UTRN: variants seen among roughly 807,000 people sequenced by gnomAD.
The protein encoded by UTRN is dystrophin-related protein 1.
In UTRN, 283 loss-of-function variants were observed where a neutral mutation model predicts 463.9. That is an observed-to-expected ratio of 0.61 (90% CI 0.55 to 0.67). The LOEUF is 0.67. Among genes scored for constraint, UTRN ranks in the 30% least tolerant of loss-of-function variants. The probability of loss-of-function intolerance (pLI) is 0.00; values close to 1 mark genes in which losing one functional copy is unlikely to be tolerated. For missense variants in UTRN, 3,922 were observed against 4,084.3 expected, an observed-to-expected ratio of 0.96 and a Z score of 1.08; for synonymous variants, 1,442 against 1,431.5, an observed-to-expected ratio of 1.01 and a Z score of -0.17.
intron 51 of UTRN, among the ~76,000 whole-genome samples, chr6:144,675,836 G>A (rs1781533391): frequency 1.3e-5 from 2 of 152,186 alleles, no homozygotes; most frequent in Non-Finnish European, 2.9e-5. Flanking sequence ...AGTTCACGGT[G>A]TGAGTCTCCA....
chr6:144,719,459 C>G (rs866969950), intron 53 of UTRN, among the ~76,000 whole-genome samples: 1 of 152,102 alleles, frequency 6.6e-6, no homozygotes, highest in Non-Finnish European at 1.5e-5. Flanking sequence ...TGCCTGTAAT[C>G]CCAGCTACTC....
chr6:144,799,485 G>C (rs747807383), intron 64 of UTRN: 1 of 471,558 alleles, frequency 2.1e-6, no homozygotes, highest in Non-Finnish European at 4.4e-6. Flanking sequence ...TAAAGTCACA[G>C]TTTAAATGCA....
chr6:144,711,644 ATTAAG>A (rs747504677), intron 53 of UTRN, among the ~76,000 whole-genome samples: 7 of 152,228 alleles, frequency 4.6e-5, no homozygotes, highest in Admixed American at 3.3e-4. Context: ...CAATGTAAAT[ATTAAG>A]TTATGTAGGA....
intron 8 of UTRN, 134 bp downstream of exon 8, chr6:144,429,027 G>A (rs1021311981): frequency 1.1e-5 from 6 of 563,262 alleles, no homozygotes; most frequent in East Asian, 3.0e-5. Flanking sequence ...GTATAGGTGC[G>A]AGTCATTTTA....
chr6:144,321,461 CTTTTTTTTT>C (rs529134208), intron 2 of UTRN, among the ~76,000 whole-genome samples: 47 of 100,452 alleles, frequency 4.7e-4, no homozygotes, highest in African/African-American at 6.9e-4. Context: ...TGTGCCATAT[CTTTTTTTTT>C]TTTTTTTTTT....
rs1408650418 is a variant in UTRN at position 144,514,055 on chromosome 6, C to G, written c.5073+18C>G. The G allele has an allele frequency of 6.2e-7, 1 of 1,613,052 alleles. No homozygotes were observed. The highest frequency in any genetic ancestry group is 8.5e-7 in the Non-Finnish European group (1 of 1,179,494). On this transcript the variant is annotated intron_variant, in intron 36 of 74. Coordinates refer to ENST00000367545, the MANE Select transcript of UTRN (RefSeq NM_007124.3). The stretch of plus-strand genomic sequence containing the variant: ...TTGTGAAGGTAGCAAACACAGACAT[C>G]AGTAACGCTTTTGGGAGTGGCATGT...
At chr6:144,795,742 T>TTTAAG (rs1476985259) in intron 63 of UTRN, among the ~76,000 whole-genome samples, 3 of 152,198 alleles carry the variant, frequency 2.0e-5, no homozygotes, top group African/African-American at 7.2e-5. Context: ...TGTAAATTTG[T>TTTAAG]TTAAGTTCTC....
chr6:144,444,464 C>A, intron 14 of UTRN, 82 bp downstream of exon 14: 1 of 1,012,598 alleles, frequency 9.9e-7, no homozygotes, highest in Non-Finnish European at 1.4e-6. Flanking sequence ...ATAAAGTTGC[C>A]TTGTTTACTT....
intron 2 of UTRN, among the ~76,000 whole-genome samples, chr6:144,317,948 C>T (rs1197422312): frequency 5.3e-5 from 8 of 152,160 alleles, no homozygotes; most frequent in Non-Finnish European, 1.2e-4. Flanking sequence ...CTGGAAATAG[C>T]TTCCAGATGG....
chr6:144,646,654 G>A (rs1030279652), intron 51 of UTRN, among the ~76,000 whole-genome samples: 3 of 151,936 alleles, frequency 2.0e-5, no homozygotes, highest in Admixed American at 2.0e-4. Context: ...GTTTTCCTAA[G>A]TCAAGAAAAC....
chr6:144,349,697 C>T (rs111685276), intron 2 of UTRN, among the ~76,000 whole-genome samples: 30 of 152,088 alleles, frequency 2.0e-4, no homozygotes, highest in African/African-American at 6.7e-4. Flanking sequence ...TATATTTTTC[C>T]TTGGCATTAC....
intron 50 of UTRN, among the ~76,000 whole-genome samples, chr6:144,558,392 A>T (rs930038946): frequency 6.6e-6 from 1 of 152,208 alleles, no homozygotes; most frequent in African/African-American, 2.4e-5. Flanking sequence ...TGGTCTTTCT[A>T]ACATTTTACT....
intron 1 of UTRN, among the ~76,000 whole-genome samples, chr6:144,288,225 G>A (rs1349611214): frequency 2.0e-5 from 3 of 152,030 alleles, no homozygotes; most frequent in Non-Finnish European, 2.9e-5. Context: ...AACCTGTAAG[G>A]GATTTTCATT....
intron 34 of UTRN, among the ~76,000 whole-genome samples, chr6:144,500,662 A>G (rs895258089): frequency 4.6e-5 from 7 of 152,352 alleles, no homozygotes; most frequent in African/African-American, 1.4e-4. Flanking sequence ...ACATTTTAAA[A>G]CCAATAAGTA....
At chr6:144,830,930 T>C (rs1780621942) in intron 69 of UTRN, among the ~76,000 whole-genome samples, 1 of 152,156 alleles carries the variant, frequency 6.6e-6, no homozygotes, top group Non-Finnish European at 1.5e-5. Context: ...AACTTGAAAT[T>C]GGCCATGATC....
intron 17 of UTRN, among the ~76,000 whole-genome samples, chr6:144,450,905 G>A (rs1274851377): frequency 2.6e-5 from 4 of 152,154 alleles, no homozygotes; most frequent in Admixed American, 6.5e-5. Context: ...AAGGCGGGCC[G>A]ATCATGAGGT....
At chr6:144,447,538 G>T (rs1169671113) in intron 15 of UTRN, 64 bp from the exon 16 acceptor site, 1 of 1,571,670 alleles carries the variant, frequency 6.4e-7, no homozygotes, top group African/African-American at 1.4e-5. Context: ...AAAATTTTTG[G>T]CTGGGGAACA....
intron 2 of UTRN, among the ~76,000 whole-genome samples, chr6:144,389,471 C>T (rs1287242016): frequency 6.6e-6 from 1 of 152,124 alleles, no homozygotes; most frequent in African/African-American, 2.4e-5. Flanking sequence ...AATTTCTTTC[C>T]TTAATCAATT....
intron 53 of UTRN, chr6:144,706,727 AG>A (rs1785138433): frequency 6.6e-6 from 1 of 152,256 alleles, no homozygotes; most frequent in Admixed American, 6.6e-5. Flanking sequence ...ACCTACCCAG[AG>A]ATACTCATCC....
Sources: allele counts gnomAD v4.1 joint callset (sites outside exome capture counted in the v4.1 genomes callset), GRCh38; gene constraint gnomAD v4.1.1; transcripts MANE v1.5; gene names NCBI Gene and HGNC (gene_info 2026-07-23, HGNC 2026-07-21).